PDE8A: variants seen among roughly 807,000 people sequenced by gnomAD.
PDE8A encodes phosphodiesterase 8A, also known as high affinity cAMP-specific and IBMX-insensitive 3',5'-cyclic phosphodiesterase 8A.
In PDE8A, 59 loss-of-function variants were observed where a neutral mutation model predicts 105.0. That is an observed-to-expected ratio of 0.56 (90% CI 0.46 to 0.70). PDE8A has a LOEUF of 0.70. PDE8A is among the 30% of genes least tolerant of loss of function. The pLI is 0.00. For synonymous variants in PDE8A, 355 were observed against 371.9 expected (o/e 0.95, Z 0.52); for missense variants, 1,014 against 1,045.9 (o/e 0.97, Z 0.42).
rs2082415479 is a variant in PDE8A at position 85,136,632 on chromosome 15, C to T, written c.2352C>T (p.Tyr784=). The change falls in exon 21 of 22, where the codon TAC becomes TAT. Residue 784 remains tyrosine (Y), a synonymous_variant. Coordinates refer to ENST00000394553, the MANE Select transcript of PDE8A (RefSeq NM_002605.3). ...IPKSQISFID[Y]FITDMFDAWD... ...AATCCCAAATCTCTTTCATTGATTA[C>T]TTCATCACAGACATGTTTGATGCTT... 1.9e-6 allele frequency: 3 copies of T among 1,613,790 alleles called. No homozygotes were observed. The highest frequency in any genetic ancestry group is 1.7e-6 in the Non-Finnish European group (2 of 1,179,842).
At position 85,075,381 on chromosome 15, in the gene PDE8A, C is replaced by A. The variant is rs142979074; in HGVS notation, c.435-481C>A. The stretch of plus-strand genomic sequence containing the variant: ...GGATTATTTTTGGTTATTTAGCCTC[C>A]ATTTTACCTAGTAACTCTTCATCCT... On this transcript the variant is annotated intron_variant, in intron 3 of 21. Transcript: ENST00000394553. 3.9e-3 allele frequency among the ~76,000 whole-genome samples: 589 copies of A among 152,270 alleles called. 1 individual carries two copies. Among genetic ancestry groups the A allele is most frequent in the African/African-American group, 0.011 (455 of 41,550 alleles).
intron 20 of PDE8A, among the ~76,000 whole-genome samples, chr15:85,128,648 C>G (rs1404744936): frequency 6.6e-6 from 1 of 152,182 alleles, no homozygotes; most frequent in Non-Finnish European, 1.5e-5. Flanking sequence ...TTTGAAAGGA[C>G]TGTATCCATA....
intron 16 of PDE8A, among the ~76,000 whole-genome samples, chr15:85,116,544 A>G (rs2082100076): frequency 6.6e-6 from 1 of 152,228 alleles, no homozygotes; most frequent in African/African-American, 2.4e-5. Context: ...CCAAAGCCCC[A>G]GTCATCCTCA....
chr15:84,988,858 C>G (rs143612914), intron 1 of PDE8A, among the ~76,000 whole-genome samples: 169 of 152,262 alleles, frequency 1.1e-3, no homozygotes, highest in Non-Finnish European at 2.1e-3. Flanking sequence ...CCTTATAGTT[C>G]CCAAAGTGCT....
intron 3 of PDE8A, among the ~76,000 whole-genome samples, chr15:85,071,035 T>C (rs1393061962): frequency 6.6e-6 from 1 of 152,076 alleles, no homozygotes; most frequent in Non-Finnish European, 1.5e-5. Context: ...AAATTGACCA[T>C]AGCAATAATA....
intron 1 of PDE8A, among the ~76,000 whole-genome samples, chr15:85,026,363 C>T (rs886471513): frequency 7.9e-5 from 12 of 152,032 alleles, no homozygotes; most frequent in African/African-American, 2.9e-4. Context: ...TCAGCTGGGA[C>T]CAATGACCAG....
chr15:85,053,465 C>G (rs2081008497), intron 1 of PDE8A, among the ~76,000 whole-genome samples: 1 of 152,148 alleles, frequency 6.6e-6, no homozygotes, highest in African/African-American at 2.4e-5. Flanking sequence ...ATGGAATGTT[C>G]TTCCATTTGT....
intron 1 of PDE8A, among the ~76,000 whole-genome samples, chr15:85,057,005 G>A (rs1276853271): frequency 6.6e-6 from 1 of 152,108 alleles, no homozygotes; most frequent in African/African-American, 2.4e-5. Context: ...TGGTGTGGAT[G>A]TCCTTTCTGT....
intron 3 of PDE8A, among the ~76,000 whole-genome samples, chr15:85,069,566 T>C (rs1596487731): frequency 1.3e-5 from 2 of 152,096 alleles, no homozygotes; most frequent in African/African-American, 4.8e-5. Flanking sequence ...CAGATCCTGG[T>C]TTCATATTCC....
intron 7 of PDE8A, among the ~76,000 whole-genome samples, chr15:85,089,714 G>A (rs1401856754): frequency 6.6e-6 from 1 of 152,178 alleles, no homozygotes; most frequent in African/African-American, 2.4e-5. Context: ...AAGGATGATT[G>A]CTGGGGGCTT....
intron 1 of PDE8A, among the ~76,000 whole-genome samples, chr15:85,060,214 A>G (rs757350341): frequency 4.6e-5 from 7 of 152,170 alleles, no homozygotes; most frequent in Non-Finnish European, 8.8e-5. Flanking sequence ...CTTTATGGTT[A>G]GCATGGGGAT....
intron 1 of PDE8A, among the ~76,000 whole-genome samples, chr15:84,983,475 C>G (rs1246002002): frequency 6.6e-6 from 1 of 152,184 alleles, no homozygotes; most frequent in African/African-American, 2.4e-5. Flanking sequence ...TTTTTCTGTA[C>G]GAAAGGGGAA....
chr15:85,104,939 CTGCT>C (rs1177959310), intron 11 of PDE8A, among the ~76,000 whole-genome samples: 1 of 152,070 alleles, frequency 6.6e-6, no homozygotes, highest in Non-Finnish European at 1.5e-5. Flanking sequence ...AGTTGTGTCT[CTGCT>C]TGCAAGATAT....
At chr15:85,006,716 G>A (rs947170466) in intron 1 of PDE8A, among the ~76,000 whole-genome samples, 1 of 149,686 alleles carries the variant, frequency 6.7e-6, no homozygotes, top group Non-Finnish European at 1.5e-5. Context: ...TTTTTCCCTG[G>A]TTTGCCTTTT....
At chr15:85,075,769 CT>C (rs1211432915) in intron 3 of PDE8A, 92 bp from the exon 4 acceptor site, 1 of 686,252 alleles carries the variant, frequency 1.5e-6, no homozygotes, top group Non-Finnish European at 2.5e-6. Context: ...CCTTCTACCC[CT>C]CTTCCAACTT....
chr15:85,046,028 A>G (rs1461854027), intron 1 of PDE8A, among the ~76,000 whole-genome samples: 3 of 150,974 alleles, frequency 2.0e-5, no homozygotes, highest in Non-Finnish European at 4.4e-5. Context: ...TGTAGTTCCT[A>G]GGACTTAGGC....
At chr15:85,035,197 C>CTTTTTTTT (rs35548176) in intron 1 of PDE8A, among the ~76,000 whole-genome samples, 2 of 57,786 alleles carry the variant, frequency 3.5e-5, no homozygotes, top group African/African-American at 7.7e-5. Flanking sequence ...TGGGTATTTC[C>CTTTTTTTT]TTTTTTTTTT....
chr15:85,054,973 A>C (rs898244167), intron 1 of PDE8A, among the ~76,000 whole-genome samples: 2 of 150,940 alleles, frequency 1.3e-5, no homozygotes, highest in African/African-American at 4.9e-5. Flanking sequence ...CCCTCTACAC[A>C]CTGCTTTAAA....
At chr15:85,083,356 A>G (rs938014787) in intron 5 of PDE8A, among the ~76,000 whole-genome samples, 200 bp from the exon 6 acceptor site, 7 of 152,118 alleles carry the variant, frequency 4.6e-5, no homozygotes, top group Non-Finnish European at 1.0e-4. Context: ...ATAGAAGGAA[A>G]AGCATTCTTA....
Sources: gnomAD v4.1 joint callset for allele counts (sites outside exome capture counted in the v4.1 genomes callset) on GRCh38, gnomAD v4.1.1 for gene constraint, MANE v1.5 for transcripts, NCBI Gene and HGNC (gene_info 2026-07-23, HGNC 2026-07-21) for gene names.